Variants in SP140 observed in about 807,000 individuals in gnomAD.
SP140 encodes SP140 nuclear body protein, also known as nuclear body protein SP140.
Under a neutral mutation model 125.0 loss-of-function variants are expected in SP140, and 81 were observed. The ratio of observed to expected loss-of-function variants is 0.65; its 90% CI spans 0.54 to 0.78. The LOEUF is 0.78. Ranked by LOEUF, SP140 falls within the 30% of genes least tolerant of loss-of-function variation. SP140 has a pLI of 0.00. For synonymous variants in SP140, 312 were observed against 354.0 expected (o/e 0.88, Z 1.33); for missense variants, 858 against 1,037.0 (o/e 0.83, Z 2.37).
chr2:230,215,647 A>G (rs2045068817), intron 3 of SP140, among the ~76,000 whole-genome samples: 1 of 152,222 alleles, frequency 6.6e-6, no homozygotes. Flanking sequence ...AAAAGGAGAA[A>G]TACGGCAAGA....
chr2:230,223,794 G>T (rs2148991931), upstream of SP140, among the ~76,000 whole-genome samples: 1 of 152,294 alleles, frequency 6.6e-6, no homozygotes, highest in Middle Eastern at 3.4e-3. Context: ...CCAATTCCAG[G>T]TGTCAGATTC....
chr2:230,203,135 A>G (rs377115750), exon 1 of SP140: 4 of 227,482 alleles, frequency 1.8e-5, no homozygotes, highest in Non-Finnish European at 2.6e-5. Flanking sequence ...GATTTCCAAA[A>G]GTTTCTAGGT....
upstream of SP140, chr2:230,202,838 A>T (rs2043316263): frequency 1.0e-6 from 1 of 982,222 alleles, no homozygotes; most frequent in African/African-American, 1.6e-5. Flanking sequence ...ACTCTTTCAG[A>T]TCTCTGTACC....
At chr2:230,232,881 T>C (rs572953752) in intron 1 of SP140, among the ~76,000 whole-genome samples, 3 of 152,194 alleles carry the variant, frequency 2.0e-5, no homozygotes, top group Non-Finnish European at 4.4e-5. Flanking sequence ...TCTTTAATCT[T>C]ACTTTTTAAA....
At chr2:230,241,559 T>A in intron 4 of SP140, 72 bp downstream of exon 4, 1 of 867,482 alleles carries the variant, frequency 1.2e-6, no homozygotes, top group Non-Finnish European at 2.0e-6. Context: ...GCAAATCTTG[T>A]ATTTCCTCTC....
chr2:230,262,060 G>T lies in SP140; in HGVS notation c.1240+6528G>T, dbSNP rs2052359946. On this transcript the variant is annotated intron_variant, in intron 12 of 26. Transcript: ENST00000392045. ...TTCTTTGACTGTCTGGTAGCATTCTGCTGTGAATCCGTCTGATCCTGAACT... is the reference window on the plus strand; with the variant it reads ...TTCTTTGACTGTCTGGTAGCATTCTTCTGTGAATCCGTCTGATCCTGAACT... Among the ~76,000 whole-genome samples, 4 of 152,268 alleles carry T rather than the reference G, an allele frequency of 2.6e-5. No homozygotes were observed. In the South Asian group the frequency reaches 8.3e-4, roughly 32 times the overall value.
chr2:230,311,812 A>T (rs2059353727), intron 26 of SP140, among the ~76,000 whole-genome samples: 1 of 152,220 alleles, frequency 6.6e-6, no homozygotes, highest in African/African-American at 2.4e-5. Context: ...GGTCCCTGAG[A>T]GCTCCTCCCC....
At chr2:230,194,279 C>T in the SP140 span, among the ~76,000 whole-genome samples, 1 of 151,764 alleles carries the variant, frequency 6.6e-6, no homozygotes, top group South Asian at 2.1e-4. Flanking sequence ...TATCTTAGGC[C>T]CTTTGTGAAT....
downstream of SP140, among the ~76,000 whole-genome samples, chr2:230,315,785 A>C (rs933543508): frequency 1.3e-5 from 2 of 152,060 alleles, no homozygotes; most frequent in Non-Finnish European, 2.9e-5. Context: ...CCCCAGTTAC[A>C]CCTCCATTTT....
intron 12 of SP140, among the ~76,000 whole-genome samples, chr2:230,260,037 G>A (rs551691553): frequency 6.6e-6 from 1 of 152,196 alleles, no homozygotes; most frequent in East Asian, 1.9e-4. Context: ...CATAGCAGCT[G>A]TACTAGTTTA....
chr2:230,245,735 T>G, intron 6 of SP140, 128 bp from the exon 7 acceptor site: 2 of 630,514 alleles, frequency 3.2e-6, no homozygotes, highest in South Asian at 3.9e-5. Context: ...GAGCCACTTT[T>G]GTTTGGTGCA....
At chr2:230,287,379 A>G (rs1315134799) in intron 17 of SP140, among the ~76,000 whole-genome samples, 1 of 152,218 alleles carries the variant, frequency 6.6e-6, no homozygotes, top group Non-Finnish European at 1.5e-5. Context: ...CTTAAGTCAC[A>G]GAACTGTCAT....
At chr2:230,244,862 C>A in intron 5 of SP140, 126 bp from the exon 6 acceptor site, 1 of 613,260 alleles carries the variant, frequency 1.6e-6, no homozygotes, top group Non-Finnish European at 2.9e-6. Context: ...TGGCGGGGCT[C>A]AGGCGAGGTC....
intron 22 of SP140, among the ~76,000 whole-genome samples, chr2:230,308,781 G>A (rs1181948673): frequency 6.6e-6 from 1 of 152,214 alleles, no homozygotes; most frequent in East Asian, 1.9e-4. Flanking sequence ...CTTACCTGCA[G>A]CAGCAGAGCC....
intron 15 of SP140, among the ~76,000 whole-genome samples, chr2:230,278,685 G>T (rs2055077515): frequency 6.6e-6 from 1 of 152,020 alleles, no homozygotes; most frequent in Admixed American, 6.6e-5. Flanking sequence ...TATGGTGTAA[G>T]CCAAGCGTCT....
At chr2:230,266,831 T>G (rs1259233043) in intron 12 of SP140, among the ~76,000 whole-genome samples, 1 of 152,200 alleles carries the variant, frequency 6.6e-6, no homozygotes, top group East Asian at 1.9e-4. Context: ...CTTCTCACAC[T>G]TTGAATCTCT....
chr2:230,253,374 A>G lies in SP140; in HGVS notation c.1116A>G (p.Gly372=). The G allele has an allele frequency of 6.2e-7, 1 of 1,612,212 alleles. No homozygotes were observed. Among genetic ancestry groups the G allele is most frequent in the Non-Finnish European group, 8.5e-7 (1 of 1,178,292 alleles). Residue 372 remains glycine, a synonymous_variant, in exon 11 of 27, where the codon GGA becomes GGG. Coordinates refer to ENST00000392045, the MANE Select transcript of SP140 (RefSeq NM_007237.5). Reference sequence around the variant, plus strand: ...AGACTCCCCAAGTCACTAATGAAGGAGAACCAGAGAAGGAGCTCAGTCTAC... The same window carrying G: ...AGACTCCCCAAGTCACTAATGAAGGGGAACCAGAGAAGGAGCTCAGTCTAC... ...DLKTPQVTNE[G]EPEKELSLLP... is the part of the protein sequence containing the mutation.
chr2:230,211,612 GGAGAA>G lies in SP140; in HGVS notation c.-322-2041_-322-2037del, dbSNP rs2044487799. 1 of 1,018,304 alleles carries G rather than the reference GGAGAA, an allele frequency of 9.8e-7. No individual in the cohort carries two copies. The allele number at this position is 1,018,304 out of a possible 1,614,324, so 63.1% of individuals were successfully genotyped here. ...GAACAGCAAGCAGGGACCAGAATGA[GGAGAA>G]AAGAGAATGCTCTATTCCAACAAGT... is the stretch of plus-strand genomic sequence containing the variant. On this transcript the variant is annotated intron_variant, in intron 1 of 4. Transcript: ENST00000456542. The surrounding 1 kb of genome is among the most constrained non-coding windows in gnomAD (Gnocchi z 4.2).
intron 15 of SP140, among the ~76,000 whole-genome samples, chr2:230,271,798 T>C (rs765060524): frequency 2.6e-5 from 4 of 152,186 alleles, no homozygotes; most frequent in Non-Finnish European, 5.9e-5. Context: ...GGAGATTCAC[T>C]GTCAGGGACG....
Sources: gnomAD v4.1 joint callset for allele counts (sites outside exome capture counted in the v4.1 genomes callset) on GRCh38, gnomAD v4.1.1 for gene constraint, Gnocchi (gnomAD v3.1) non-coding constraint, MANE v1.5 for transcripts, NCBI Gene and HGNC (gene_info 2026-07-23, HGNC 2026-07-21) for gene names.